MCF2L: variants seen among roughly 807,000 people sequenced by gnomAD.
MCF2L encodes the protein guanine nucleotide exchange factor DBS.
A neutral mutation model predicts 153.4 loss-of-function variants in MCF2L; 97 were observed. The ratio of observed to expected loss-of-function variants is 0.63; its 90% CI spans 0.54 to 0.75. The LOEUF (loss-of-function observed/expected upper bound fraction) is 0.75. Among genes scored for constraint, MCF2L ranks in the 30% least tolerant of loss-of-function variants. The pLI is 0.00. For missense variants in MCF2L, 1,347 were observed against 1,495.2 expected, an observed-to-expected ratio of 0.90 and a Z score of 1.64; for synonymous variants, 659 against 632.2, an observed-to-expected ratio of 1.04 and a Z score of -0.64.
chr13:112,976,470 C>A (rs11619030), intron 1 of MCF2L, among the ~76,000 whole-genome samples: 40,571 of 152,088 alleles, frequency 0.27, 6,307 homozygotes, highest in Non-Finnish European at 0.35. Flanking sequence ...AGAAGCATTC[C>A]AGCTGGAGCA....
intron 1 of MCF2L, chr13:112,979,610 T>G (rs1238928623): frequency 6.2e-6 from 10 of 1,608,048 alleles, no homozygotes; most frequent in Non-Finnish European, 8.5e-6. Context: ...CTGTGGTCCC[T>G]GCGTGAAGAA....
intron 4 of MCF2L, among the ~76,000 whole-genome samples, chr13:113,049,509 C>CA (rs142859808): frequency 6.6e-6 from 1 of 152,344 alleles, no homozygotes; most frequent in Non-Finnish European, 1.5e-5. Context: ...TGCAGCGGGG[C>CA]ACCTGGACGC....
At chr13:112,975,593 C>A (rs1185069437) in intron 1 of MCF2L, among the ~76,000 whole-genome samples, 2 of 151,958 alleles carry the variant, frequency 1.3e-5, no homozygotes, top group Non-Finnish European at 2.9e-5. Flanking sequence ...ATGGTCAGTG[C>A]CGGCGGGTAC....
chr13:113,075,735 TG>T (rs2033400563), intron 11 of MCF2L, among the ~76,000 whole-genome samples: 2 of 90,402 alleles, frequency 2.2e-5, no homozygotes, highest in Non-Finnish European at 5.1e-5. Flanking sequence ...TCACTGGTGT[TG>T]TCCAGCACTG....
At chr13:112,988,961 T>G (rs79431359) in intron 1 of MCF2L, among the ~76,000 whole-genome samples, 3 of 98,504 alleles carry the variant, frequency 3.0e-5, no homozygotes, top group Admixed American at 1.1e-4. Flanking sequence ...CTATCACGCC[T>G]GAGTCCTCCC....
chr13:113,049,365 G>C lies in MCF2L; in HGVS notation c.369+4004G>C, dbSNP rs185351054. On this transcript the variant is annotated intron_variant, in intron 4 of 29. Coordinates refer to ENST00000535094, the MANE Select transcript of MCF2L (RefSeq NM_001112732.3). ...GGAAGGGGTGGGTGGTGGGGCTGGC[G>C]GGGAGGCCCCAGGCTCTGTCCATGA... 5.8e-3 allele frequency among the ~76,000 whole-genome samples: 883 copies of C among 152,150 alleles called. 4 individuals are homozygous for C. Among genetic ancestry groups the C allele is most frequent in the Non-Finnish European group, 0.01 (700 of 67,968 alleles).
intron 2 of MCF2L, among the ~76,000 whole-genome samples, chr13:112,906,964 C>A (rs2081179106): frequency 6.6e-6 from 1 of 152,228 alleles, no homozygotes; most frequent in Admixed American, 6.5e-5. Context: ...AAGTGGAAGA[C>A]AATCCCTGAC....
At chr13:113,085,713 G>T (rs3895307) in intron 20 of MCF2L, among the ~76,000 whole-genome samples, 13,625 of 101,264 alleles carry the variant, frequency 0.13, 758 homozygotes, top group East Asian at 0.52. Flanking sequence ...TGGCATCAGG[G>T]TGGCAGGAGG....
intron 2 of MCF2L, among the ~76,000 whole-genome samples, chr13:112,936,325 T>G (rs1329889667): frequency 6.6e-6 from 1 of 150,588 alleles, no homozygotes; most frequent in East Asian, 1.9e-4. Context: ...GCCAACACCT[T>G]GACCTTGGAC....
At position 113,086,097 on chromosome 13, in the gene MCF2L, G is replaced by A. The variant is rs374353240; in HGVS notation, c.2248-27G>A. Reference sequence around the variant, plus strand: ...GAGCCAGGGCTCTCCGTGTCCCGACGCGGTTGCCTCACCCCATGCCCCTCA... The same window carrying A: ...GAGCCAGGGCTCTCCGTGTCCCGACACGGTTGCCTCACCCCATGCCCCTCA... On this transcript the variant is annotated intron_variant, in intron 20 of 29. Transcript: ENST00000535094. 30 of 1,590,140 alleles carry A rather than the reference G, an allele frequency of 1.9e-5. No homozygotes were observed. The African/African-American group carries it at 2.7e-4, about 14-fold the overall frequency.
intron 1 of MCF2L, among the ~76,000 whole-genome samples, chr13:113,014,018 T>A (rs1407232849): frequency 6.6e-6 from 1 of 151,638 alleles, no homozygotes; most frequent in African/African-American, 2.4e-5. Flanking sequence ...TGGCTGGTGC[T>A]GGCCCCATGC....
chr13:113,017,386 T>C (rs942049736), intron 2 of MCF2L, among the ~76,000 whole-genome samples: 1 of 152,214 alleles, frequency 6.6e-6, no homozygotes, highest in African/African-American at 2.4e-5. Context: ...CACCTGTACG[T>C]CGGTGTCTCC....
intron 1 of MCF2L, among the ~76,000 whole-genome samples, chr13:113,012,595 C>CGG (rs2084227273): frequency 9.1e-6 from 1 of 109,826 alleles, no homozygotes; most frequent in African/African-American, 3.3e-5. Context: ...GCAGTGTGGA[C>CGG]TGTGGACACT....
chr13:113,032,348 T>C (rs976014390), intron 3 of MCF2L, among the ~76,000 whole-genome samples: 3 of 152,192 alleles, frequency 2.0e-5, no homozygotes, highest in Admixed American at 1.3e-4. Flanking sequence ...TGCTAAACAA[T>C]TTAATACGTG....
chr13:112,909,178 A>C, intron 2 of MCF2L: 1 of 777,140 alleles, frequency 1.3e-6, no homozygotes, highest in East Asian at 2.4e-5. Context: ...TGGCAAAAAC[A>C]CTGCCTGTTC....
rs1278017925 is a variant in MCF2L, at chr13:113,031,498, G to T, written c.278+6740G>T. ...GAGTCTGGGAGGTGAGACAGGGTCT[G>T]TGGAGCCTTTTCTGAGGAGCTGTGT... On this transcript the variant is annotated intron_variant, in intron 3 of 29. Transcript: ENST00000535094. The surrounding 1 kb of genome is among the most constrained non-coding windows in gnomAD (Gnocchi z 5.5). 6.6e-6 allele frequency among the ~76,000 whole-genome samples: 1 copy of T among 152,162 alleles called. No individual in the cohort carries two copies. The highest frequency in any genetic ancestry group is 1.5e-5 in the Non-Finnish European group (1 of 68,034).
At chr13:112,911,132 C>A (rs776132179) in intron 2 of MCF2L, among the ~76,000 whole-genome samples, 1 of 152,200 alleles carries the variant, frequency 6.6e-6, no homozygotes, top group African/African-American at 2.4e-5. Context: ...TTCGGGAGCT[C>A]GTCCTGGCGG....
intron 13 of MCF2L, among the ~76,000 whole-genome samples, 180 bp downstream of exon 13, chr13:113,077,391 G>A (rs1183044001): frequency 6.6e-6 from 1 of 152,158 alleles, no homozygotes; most frequent in Admixed American, 6.5e-5. Context: ...CCTCACCCAT[G>A]TTTATAAATG....
intron 26 of MCF2L, chr13:113,090,948 C>T (rs938669494): frequency 3.7e-5 from 45 of 1,204,550 alleles, no homozygotes; most frequent in Admixed American, 2.9e-4. Context: ...CTTCACTGCG[C>T]GGCCCCTCGG....
Sources: allele counts gnomAD v4.1 joint callset (sites outside exome capture counted in the v4.1 genomes callset), GRCh38; gene constraint gnomAD v4.1.1; non-coding constraint Gnocchi (gnomAD v3.1); transcripts MANE v1.5; gene names NCBI Gene and HGNC (gene_info 2026-07-23, HGNC 2026-07-21).